Variants in ATXN8OS observed in about 807,000 individuals in gnomAD.
The protein encoded by ATXN8OS is ATXN8 opposite strand lncRNA.
chr13:70,168,536 T>C (rs953738472), intron 4 of ATXN8OS, among the ~76,000 whole-genome samples: 3 of 151,776 alleles, frequency 2.0e-5, no homozygotes, highest in African/African-American at 4.8e-5. Context: ...GCCCCACGCA[T>C]ATGCACCCTT....
At chr13:70,158,689 A>G (rs1258120884) in intron 4 of ATXN8OS, among the ~76,000 whole-genome samples, 5 of 152,230 alleles carry the variant, frequency 3.3e-5, no homozygotes, top group Non-Finnish European at 7.3e-5. Context: ...AGCCATAGAC[A>G]GTATATAAAC....
exon 5 of ATXN8OS, among the ~76,000 whole-genome samples, chr13:70,171,080 C>T (rs1278942319): frequency 6.6e-6 from 1 of 152,096 alleles, no homozygotes; most frequent in Non-Finnish European, 1.5e-5. Flanking sequence ...GAGCAAAGAA[C>T]TAGTCAGCCT....
chr13:70,124,611 G>T (rs1566595969), intron 2 of ATXN8OS, among the ~76,000 whole-genome samples: 1 of 152,064 alleles, frequency 6.6e-6, no homozygotes. Flanking sequence ...GAATGACTCA[G>T]TTAACTGTGA....
At chr13:70,139,880 TCA>T (rs969362620) in intron 3 of ATXN8OS, among the ~76,000 whole-genome samples, 125 of 152,296 alleles carry the variant, frequency 8.2e-4, no homozygotes, top group Middle Eastern at 6.8e-3. Flanking sequence ...TGTTTTTTAA[TCA>T]CGATTTTTGA....
intron 4 of ATXN8OS, among the ~76,000 whole-genome samples, chr13:70,161,205 G>C (rs1245124758): frequency 2.0e-5 from 3 of 151,686 alleles, no homozygotes; most frequent in Admixed American, 1.3e-4. Context: ...GTCATACAGA[G>C]TGTTCCCATA....
chr13:70,144,841 C>T (rs1274838590), intron 3 of ATXN8OS, among the ~76,000 whole-genome samples: 1 of 152,092 alleles, frequency 6.6e-6, no homozygotes, highest in Admixed American at 6.6e-5. Flanking sequence ...ACATTTAGAT[C>T]TGTGATACAT....
chr13:70,139,980 T>C (rs1888687306), intron 3 of ATXN8OS, among the ~76,000 whole-genome samples: 1 of 152,078 alleles, frequency 6.6e-6, no homozygotes, highest in South Asian at 2.1e-4. Flanking sequence ...CATATAGTTC[T>C]CCCATACACC....
chr13:70,114,616 C>G (rs1888247811), intron 1 of ATXN8OS, among the ~76,000 whole-genome samples: 1 of 151,814 alleles, frequency 6.6e-6, no homozygotes, highest in African/African-American at 2.4e-5. Flanking sequence ...GTATTTTCTT[C>G]AACGGTTATG....
At chr13:70,160,538 T>C (rs975381461) in intron 4 of ATXN8OS, among the ~76,000 whole-genome samples, 1 of 151,486 alleles carries the variant, frequency 6.6e-6, no homozygotes, top group African/African-American at 2.4e-5. Flanking sequence ...TAAATATTGT[T>C]ACAGCCTTAA....
intron 2 of ATXN8OS, among the ~76,000 whole-genome samples, chr13:70,120,243 A>G (rs929884310): frequency 2.6e-5 from 4 of 152,156 alleles, no homozygotes; most frequent in African/African-American, 9.7e-5. Flanking sequence ...AAGGAATTTT[A>G]AGAATGTTAA....
intron 3 of ATXN8OS, among the ~76,000 whole-genome samples, chr13:70,146,884 T>C (rs1294764416): frequency 6.6e-6 from 1 of 152,222 alleles, no homozygotes; most frequent in African/African-American, 2.4e-5. Flanking sequence ...GTGCACATTG[T>C]GCACATGTAC....
At chr13:70,115,839 T>C in intron 2 of ATXN8OS, among the ~76,000 whole-genome samples, 1 of 152,026 alleles carries the variant, frequency 6.6e-6, no homozygotes, top group Non-Finnish European at 1.5e-5. Context: ...ATTATAAAAA[T>C]AGTGGTTTCA....
intron 4 of ATXN8OS, among the ~76,000 whole-genome samples, chr13:70,167,557 G>T (rs1342981268): frequency 2.0e-5 from 3 of 151,736 alleles, no homozygotes; most frequent in African/African-American, 7.3e-5. Context: ...TATACCTAAT[G>T]CTAAATGAAG....
chr13:70,170,362 T>A (rs1889131267), exon 5 of ATXN8OS, among the ~76,000 whole-genome samples: 1 of 152,058 alleles, frequency 6.6e-6, no homozygotes, highest in South Asian at 2.1e-4. Flanking sequence ...AACTTCAACA[T>A]ATGTCTGAGA....
intron 3 of ATXN8OS, chr13:70,139,380 ACTACTGCTGCTGCTGCTGCTGCTGCTG>A (rs1156673480): frequency 5.4e-5 from 31 of 576,724 alleles, no homozygotes; most frequent in Admixed American, 2.0e-4. Context: ...TACTACTACT[ACTACTGCTGCTGCTGCTGCTGCTGCTG>A]CTGCTGCTGC....
intron 4 of ATXN8OS, among the ~76,000 whole-genome samples, chr13:70,153,286 C>T (rs1016106128): frequency 2.0e-5 from 3 of 151,978 alleles, no homozygotes; most frequent in South Asian, 4.1e-4. Context: ...ATATTGAAAA[C>T]GATCCTGTCT....
chr13:70,111,032 A>G (rs1484355104), intron 1 of ATXN8OS, among the ~76,000 whole-genome samples: 1 of 152,196 alleles, frequency 6.6e-6, no homozygotes, highest in East Asian at 1.9e-4. Context: ...TGAATCAATC[A>G]GAGTCTTTCA....
At chr13:70,119,798 T>C (rs1240091183) in intron 2 of ATXN8OS, among the ~76,000 whole-genome samples, 1 of 152,072 alleles carries the variant, frequency 6.6e-6, no homozygotes, top group Non-Finnish European at 1.5e-5. Context: ...GAATATTATG[T>C]AAAATTATCT....
intron 2 of ATXN8OS, among the ~76,000 whole-genome samples, chr13:70,118,174 T>C (rs977285531): frequency 2.0e-5 from 3 of 152,108 alleles, no homozygotes; most frequent in Non-Finnish European, 4.4e-5. Context: ...CTTAAGTTAA[T>C]TTTATCCTCT....
Sources: allele counts gnomAD v4.1 joint callset (sites outside exome capture counted in the v4.1 genomes callset), GRCh38; gene constraint gnomAD v4.1.1; transcripts MANE v1.5; gene names NCBI Gene and HGNC (gene_info 2026-07-23, HGNC 2026-07-21).